TTC27: variants seen among roughly 807,000 people sequenced by gnomAD.
TTC27 encodes tetratricopeptide repeat protein 27.
In TTC27, 79 loss-of-function variants were observed where a neutral mutation model predicts 115.9. The observed-to-expected ratio is 0.68, with a 90% confidence interval of 0.57 to 0.82. The LOEUF (loss-of-function observed/expected upper bound fraction) is 0.82, where lower values mean the gene tolerates loss of function less well. Ranked by LOEUF, TTC27 falls within the 40% of genes least tolerant of loss-of-function variation. The pLI, the probability that TTC27 is intolerant of heterozygous loss-of-function variation, is 0.00. For missense variants in TTC27, 1,054 were observed against 993.1 expected, an observed-to-expected ratio of 1.06 and a Z score of -0.82; for synonymous variants, 401 against 356.0, an observed-to-expected ratio of 1.13 and a Z score of -1.42.
chr2:32,785,484 C>G (rs1433085628), intron 15 of TTC27, among the ~76,000 whole-genome samples: 1 of 152,106 alleles, frequency 6.6e-6, no homozygotes, highest in Non-Finnish European at 1.5e-5. Context: ...CTCTTTCCAG[C>G]TTTTATTTTA....
chr2:32,727,404 A>G (rs926437623), intron 10 of TTC27, among the ~76,000 whole-genome samples: 2 of 152,204 alleles, frequency 1.3e-5, no homozygotes, highest in African/African-American at 4.8e-5. Flanking sequence ...GGATTTTATT[A>G]TAACAGAGTA....
intron 4 of TTC27, among the ~76,000 whole-genome samples, chr2:32,642,830 G>C (rs1003722151): frequency 6.6e-6 from 1 of 151,908 alleles, no homozygotes; most frequent in Non-Finnish European, 1.5e-5. Context: ...ACCACACCCG[G>C]CTAATTTTTG....
At chr2:32,753,420 A>G (rs947840466) in intron 12 of TTC27, among the ~76,000 whole-genome samples, 1 of 147,736 alleles carries the variant, frequency 6.8e-6, no homozygotes, top group Non-Finnish European at 1.5e-5. Context: ...GGTTAATCCA[A>G]TCAAATGCCT....
At chr2:32,761,259 C>A (rs1426610083) in intron 13 of TTC27, among the ~76,000 whole-genome samples, 1 of 152,170 alleles carries the variant, frequency 6.6e-6, no homozygotes, top group African/African-American at 2.4e-5. Flanking sequence ...TCTAATCGAT[C>A]AGCAAGTCCT....
rs376193856 is a variant in TTC27, at chr2:32,668,050, G to A, written c.939+1282G>A. On this transcript the variant is annotated intron_variant, in intron 7 of 19. Transcript: ENST00000317907. ...AATACAAAAAAAAAAAATTAACCGG[G>A]CGTGGTGGCGGGTGCCTGTAGTCCC... Among the ~76,000 whole-genome samples the A allele has an allele frequency of 2.3e-4, 35 of 151,966 alleles. No individual in the cohort carries two copies. The East Asian group carries it at 3.7e-3, about 16-fold the overall frequency.
At chr2:32,638,223 A>T (rs777386250) in intron 3 of TTC27, among the ~76,000 whole-genome samples, 2 of 151,790 alleles carry the variant, frequency 1.3e-5, no homozygotes, top group Non-Finnish European at 2.9e-5. Flanking sequence ...TTTTTTTTTT[A>T]AATAATTCCT....
chr2:32,784,930 A>G (rs2148019650), intron 15 of TTC27, among the ~76,000 whole-genome samples: 1 of 152,274 alleles, frequency 6.6e-6, no homozygotes, highest in South Asian at 2.1e-4. Context: ...TATTCCATGG[A>G]ACAATTTATG....
At chr2:32,678,777 C>G in intron 8 of TTC27, 79 bp from the exon 9 acceptor site, 3 of 1,072,332 alleles carry the variant, frequency 2.8e-6, no homozygotes. Context: ...TAGCAGTTTA[C>G]TTTGCTTTTT....
At chr2:32,655,137 C>T (rs930940125) in intron 5 of TTC27, among the ~76,000 whole-genome samples, 1 of 151,742 alleles carries the variant, frequency 6.6e-6, no homozygotes, top group Non-Finnish European at 1.5e-5. Flanking sequence ...TATGGGTGCC[C>T]GCCACCATGT....
At chr2:32,686,587 C>T (rs181873134) in intron 9 of TTC27, among the ~76,000 whole-genome samples, 3 of 152,102 alleles carry the variant, frequency 2.0e-5, no homozygotes, top group South Asian at 2.1e-4. Context: ...TCTCGAACTC[C>T]CAGGCTCAAG....
In TTC27 at chr2:32,778,877, C is replaced by T. The variant is rs954219033; in HGVS notation, c.1779+897C>T. Among the ~76,000 whole-genome samples, 5 of 152,138 alleles carry T rather than the reference C, an allele frequency of 3.3e-5. No homozygotes were observed. The East Asian group carries it at 7.7e-4, about 23-fold the overall frequency. On this transcript the variant is annotated intron_variant, in intron 14 of 19. Coordinates refer to ENST00000317907, the MANE Select transcript of TTC27 (RefSeq NM_017735.5). Reference sequence around the variant, plus strand: ...ATACCCAGTAGTAGAGTTGCTGGATCGTATGGTAGCTCTATATTCAGAATT... The same window carrying T: ...ATACCCAGTAGTAGAGTTGCTGGATTGTATGGTAGCTCTATATTCAGAATT...
intron 13 of TTC27, among the ~76,000 whole-genome samples, chr2:32,764,505 G>A (rs1669557845): frequency 6.6e-6 from 1 of 152,150 alleles, no homozygotes; most frequent in African/African-American, 2.4e-5. Context: ...TTTTGCTGGT[G>A]GAAGGTCTTG....
intron 18 of TTC27, among the ~76,000 whole-genome samples, chr2:32,814,124 G>C (rs1671404941): frequency 6.6e-6 from 1 of 152,148 alleles, no homozygotes; most frequent in Non-Finnish European, 1.5e-5. Flanking sequence ...CCAACTCTAA[G>C]CATTTCTATG....
At chr2:32,820,084 A>G (rs1671630630) in intron 19 of TTC27, among the ~76,000 whole-genome samples, 1 of 152,252 alleles carries the variant, frequency 6.6e-6, no homozygotes, top group African/African-American at 2.4e-5. Flanking sequence ...AGTGAAACAG[A>G]TATTTGGCAA....
chr2:32,687,643 A>T (rs1339216947), intron 9 of TTC27, among the ~76,000 whole-genome samples: 1 of 152,230 alleles, frequency 6.6e-6, no homozygotes, highest in African/African-American at 2.4e-5. Context: ...AAGTATAACA[A>T]GGCTAGATTT....
chr2:32,811,182 T>C lies in TTC27; in HGVS notation c.2157T>C (p.Tyr719=), dbSNP rs766060732. ...GEIWRLYAHV[Y]GNGQSEKPDE... Reference sequence around the variant, plus strand: ...TCTGGAGGCTGTATGCCCACGTATATGGAAATGGGCAGAGTGAAAAGCCTG... The same window carrying C: ...TCTGGAGGCTGTATGCCCACGTATACGGAAATGGGCAGAGTGAAAAGCCTG... Residue 719 remains tyrosine (Y), a synonymous_variant, in exon 17 of 20, where the codon TAT becomes TAC. Transcript: ENST00000317907. 3 of 1,613,964 alleles carry C rather than the reference T, an allele frequency of 1.9e-6. No homozygotes were observed. The African/African-American group carries it at 4.0e-5, about 22-fold the overall frequency.
At chr2:32,628,681 A>C (rs752524470) in intron 1 of TTC27, among the ~76,000 whole-genome samples, 4 of 152,162 alleles carry the variant, frequency 2.6e-5, no homozygotes, top group Non-Finnish European at 5.9e-5. Context: ...TTCAATTTTT[A>C]ATCCCATTTT....
At chr2:32,696,564 G>T (rs1196120660) in intron 9 of TTC27, among the ~76,000 whole-genome samples, 1 of 152,018 alleles carries the variant, frequency 6.6e-6, no homozygotes, top group Non-Finnish European at 1.5e-5. Flanking sequence ...AAAGTACTAG[G>T]ATTACAGGCA....
At chr2:32,812,386 G>A in intron 17 of TTC27, 118 bp from the exon 18 acceptor site, 1 of 737,920 alleles carries the variant, frequency 1.4e-6, no homozygotes, top group Non-Finnish European at 2.4e-6. Context: ...ACGCTGTGCT[G>A]TACAACACAG....
Sources: allele counts gnomAD v4.1 joint callset (sites outside exome capture counted in the v4.1 genomes callset), GRCh38; gene constraint gnomAD v4.1.1; transcripts MANE v1.5; gene names NCBI Gene and HGNC (gene_info 2026-07-23, HGNC 2026-07-21).